Variants in ERBB4 observed in about 807,000 individuals in gnomAD.
ERBB4 encodes erb-b2 receptor tyrosine kinase 4.
A neutral mutation model predicts 158.0 loss-of-function variants in ERBB4; 42 were observed. That is an observed-to-expected ratio of 0.27 (90% CI 0.21 to 0.34). The LOEUF (loss-of-function observed/expected upper bound fraction) is 0.34, where lower values mean the gene tolerates loss of function less well. Ranked by LOEUF, ERBB4 falls within the 10% of genes least tolerant of loss-of-function variation. The pLI, the probability that ERBB4 is intolerant of heterozygous loss-of-function variation, is 1.00. For missense variants in ERBB4, 1,333 were observed against 1,624.1 expected, an observed-to-expected ratio of 0.82 and a Z score of 3.08; for synonymous variants, 583 against 558.7, an observed-to-expected ratio of 1.04 and a Z score of -0.61.
chr2:212,512,361 C>CA (rs71397170), intron 1 of ERBB4, among the ~76,000 whole-genome samples: 24,945 of 147,198 alleles, frequency 0.17, 2,297 homozygotes, highest in Non-Finnish European at 0.21. Context: ...TATATATACA[C>CA]AAAAAAAAAC....
intron 1 of ERBB4, among the ~76,000 whole-genome samples, chr2:212,296,987 G>C (rs1017482084): frequency 2.0e-5 from 3 of 151,800 alleles, no homozygotes; most frequent in African/African-American, 7.3e-5. Context: ...CTTCTTCACT[G>C]TCCCTTATTT....
intron 1 of ERBB4, among the ~76,000 whole-genome samples, chr2:212,452,231 C>T (rs1022862778): frequency 6.6e-6 from 1 of 151,928 alleles, no homozygotes; most frequent in Non-Finnish European, 1.5e-5. Context: ...CTTTCCAACC[C>T]CCAGAGAAAC....
At chr2:212,057,717 G>C (rs573577090) in intron 2 of ERBB4, among the ~76,000 whole-genome samples, 1 of 152,302 alleles carries the variant, frequency 6.6e-6, no homozygotes, top group South Asian at 2.1e-4. Flanking sequence ...AAACAAAGAT[G>C]TTCTTTGAAA....
At chr2:212,126,460 C>CAA (rs10585812) in intron 1 of ERBB4, among the ~76,000 whole-genome samples, 41 of 70,664 alleles carry the variant, frequency 5.8e-4, no homozygotes, top group African/African-American at 1.3e-3. Flanking sequence ...GACTCTGTCT[C>CAA]AAAAAAAAAA....
chr2:211,727,225 A>C (rs2074296368), intron 5 of ERBB4, among the ~76,000 whole-genome samples: 1 of 152,170 alleles, frequency 6.6e-6, no homozygotes, highest in South Asian at 2.1e-4. Context: ...AGATGGAGTT[A>C]GTACCCACCT....
intron 1 of ERBB4, among the ~76,000 whole-genome samples, chr2:212,254,847 A>G (rs7599021): frequency 0.075 from 11,485 of 152,234 alleles, 645 homozygotes; most frequent in African/African-American, 0.16. Flanking sequence ...AACCACTCTT[A>G]CAGTTTAAGA....
chr2:212,397,560 A>C (rs2091067409), intron 1 of ERBB4, among the ~76,000 whole-genome samples: 1 of 151,966 alleles, frequency 6.6e-6, no homozygotes, highest in African/African-American at 2.4e-5. Context: ...TGTCTTCCAA[A>C]TCAATGGGAT....
At chr2:211,659,433 A>G (rs1449047240) in intron 15 of ERBB4, among the ~76,000 whole-genome samples, 1 of 152,026 alleles carries the variant, frequency 6.6e-6, no homozygotes, top group African/African-American at 2.4e-5. Flanking sequence ...AAAGCTTCCA[A>G]TTTGTCTTAT....
intron 5 of ERBB4, among the ~76,000 whole-genome samples, chr2:211,747,172 C>T (rs1194812534): frequency 1.3e-5 from 2 of 152,232 alleles, no homozygotes; most frequent in East Asian, 1.9e-4. Context: ...ATTTGACTGG[C>T]CCAGTCTAGT....
intron 1 of ERBB4, among the ~76,000 whole-genome samples, chr2:212,463,624 G>A (rs2888093): frequency 0.61 from 92,596 of 151,640 alleles, 30,247 homozygotes; most frequent in African/African-American, 0.84. Context: ...AAAAGCCTCA[G>A]AAGACTGAAA....
intron 7 of ERBB4, among the ~76,000 whole-genome samples, chr2:211,716,117 C>T (rs1469663869): frequency 2.0e-5 from 3 of 152,040 alleles, no homozygotes; most frequent in African/African-American, 7.3e-5. Flanking sequence ...AATCCCAGCA[C>T]TTTGGGAGGC....
chr2:211,841,829 C>T (rs1339100696), intron 3 of ERBB4, among the ~76,000 whole-genome samples: 2 of 152,028 alleles, frequency 1.3e-5, no homozygotes, highest in African/African-American at 2.4e-5. Context: ...TTTGTTAGCA[C>T]CTGCTAGGTA....
At chr2:212,346,890 G>C (rs1464398648) in intron 1 of ERBB4, among the ~76,000 whole-genome samples, 4 of 152,020 alleles carry the variant, frequency 2.6e-5, no homozygotes, top group African/African-American at 9.7e-5. Flanking sequence ...TGAATACTAA[G>C]CCGCATTTAC....
chr2:211,420,800 C>T (rs909617131), intron 24 of ERBB4, among the ~76,000 whole-genome samples, 189 bp from the exon 25 acceptor site: 1 of 151,882 alleles, frequency 6.6e-6, no homozygotes, highest in African/African-American at 2.4e-5. Context: ...AATGATAGGG[C>T]CAGGTAAACA....
At chr2:211,573,662 T>C (rs989479710) in intron 19 of ERBB4, among the ~76,000 whole-genome samples, 1 of 151,138 alleles carries the variant, frequency 6.6e-6, no homozygotes, top group African/African-American at 2.4e-5. Flanking sequence ...AGAGCGAGAC[T>C]CCGTCTCAAA....
intron 2 of ERBB4, among the ~76,000 whole-genome samples, chr2:211,998,160 G>A (rs577452920): frequency 6.6e-6 from 1 of 151,740 alleles, no homozygotes; most frequent in East Asian, 1.9e-4. Flanking sequence ...TTGTGCACAT[G>A]TACCCTAAAA....
chr2:211,753,569 T>C (rs1297969319), intron 4 of ERBB4, among the ~76,000 whole-genome samples: 1 of 151,420 alleles, frequency 6.6e-6, no homozygotes, highest in Non-Finnish European at 1.5e-5. Flanking sequence ...GAAAGAAGAG[T>C]TGGATGAAAG....
intron 2 of ERBB4, among the ~76,000 whole-genome samples, chr2:211,988,378 C>A (rs1478322918): frequency 6.6e-6 from 1 of 152,044 alleles, no homozygotes; most frequent in African/African-American, 2.4e-5. Context: ...CTAGCTACCT[C>A]AAAGTGCTGT....
At chr2:212,314,081 T>C (rs370860227) in intron 1 of ERBB4, among the ~76,000 whole-genome samples, 19 of 151,294 alleles carry the variant, frequency 1.3e-4, no homozygotes, top group African/African-American at 4.6e-4. Flanking sequence ...GATCCTACTT[T>C]AAGTTGGCTA....
Sources: gnomAD v4.1 joint callset for allele counts (sites outside exome capture counted in the v4.1 genomes callset) on GRCh38, gnomAD v4.1.1 for gene constraint, MANE v1.5 for transcripts, NCBI Gene and HGNC (gene_info 2026-07-23, HGNC 2026-07-21) for gene names.